FOXP2: variants seen among roughly 807,000 people sequenced by gnomAD.
FOXP2 encodes the protein forkhead box protein P2.
In FOXP2, 12 loss-of-function variants were observed where a neutral mutation model predicts 115.8. The ratio of observed to expected loss-of-function variants is 0.10; its 90% CI spans 0.07 to 0.17. The LOEUF (loss-of-function observed/expected upper bound fraction) is 0.17, where lower values mean the gene tolerates loss of function less well. Ranked by LOEUF, FOXP2 falls within the 10% of genes least tolerant of loss-of-function variation. The probability of loss-of-function intolerance (pLI) is 1.00; values close to 1 mark genes in which losing one functional copy is unlikely to be tolerated. For synonymous variants in FOXP2, 328 were observed against 297.7 expected, an observed-to-expected ratio of 1.10 and a Z score of -1.05; for missense variants, 629 against 843.5, an observed-to-expected ratio of 0.75 and a Z score of 3.15.
At chr7:114,134,361 T>G (rs1272656388) in intron 1 of FOXP2, among the ~76,000 whole-genome samples, 1 of 152,286 alleles carries the variant, frequency 6.6e-6, no homozygotes, top group East Asian at 1.9e-4. Flanking sequence ...TGAATTTTCA[T>G]GGATTTTTTG....
At chr7:114,501,982 A>G (rs976719713) in intron 2 of FOXP2, among the ~76,000 whole-genome samples, 9 of 152,062 alleles carry the variant, frequency 5.9e-5, no homozygotes, top group Non-Finnish European at 1.2e-4. Context: ...TTAAATCTCC[A>G]ACATATCTAA....
intron 1 of FOXP2, among the ~76,000 whole-genome samples, chr7:114,251,267 C>T (rs1428308886): frequency 2.0e-5 from 3 of 152,158 alleles, no homozygotes; most frequent in Non-Finnish European, 4.4e-5. Flanking sequence ...TTAGGATTGA[C>T]TTGGCAATGT....
At chr7:114,480,801 C>A (rs1421649863) in intron 2 of FOXP2, among the ~76,000 whole-genome samples, 1 of 150,208 alleles carries the variant, frequency 6.7e-6, no homozygotes, top group Non-Finnish European at 1.5e-5. Flanking sequence ...CCGTATATTA[C>A]CTTTTGATAT....
At chr7:114,477,836 A>G (rs1186542658) in intron 2 of FOXP2, among the ~76,000 whole-genome samples, 1 of 151,892 alleles carries the variant, frequency 6.6e-6, no homozygotes, top group African/African-American at 2.4e-5. Flanking sequence ...AAAATTATAA[A>G]TATGCTTAAA....
intron 1 of FOXP2, among the ~76,000 whole-genome samples, chr7:114,097,239 G>A (rs1004366077): frequency 1.3e-5 from 2 of 152,092 alleles, no homozygotes; most frequent in Non-Finnish European, 2.9e-5. Flanking sequence ...TTAATATACA[G>A]AATAGTTGTA....
chr7:114,591,211 G>A (rs2129307981), intron 3 of FOXP2, among the ~76,000 whole-genome samples: 1 of 152,192 alleles, frequency 6.6e-6, no homozygotes, highest in Middle Eastern at 3.4e-3. Flanking sequence ...CTTGACCATT[G>A]TAACACATGC....
chr7:114,620,222 G>GCGTT (rs1035570815), intron 3 of FOXP2, among the ~76,000 whole-genome samples: 7 of 151,868 alleles, frequency 4.6e-5, no homozygotes, highest in African/African-American at 1.2e-4. Flanking sequence ...ATAACCTAAC[G>GCGTT]GCAAGTGAAA....
chr7:114,182,129 A>G (rs1295850465), intron 1 of FOXP2, among the ~76,000 whole-genome samples: 1 of 152,072 alleles, frequency 6.6e-6, no homozygotes, highest in East Asian at 1.9e-4. Flanking sequence ...TGTCTCTTGT[A>G]ATATCTAGTT....
chr7:114,569,527 T>C (rs971637155), intron 3 of FOXP2, among the ~76,000 whole-genome samples: 2 of 151,944 alleles, frequency 1.3e-5, no homozygotes, highest in Admixed American at 1.3e-4. Context: ...CACCCCTGTG[T>C]ATCTAATTAT....
intron 1 of FOXP2, among the ~76,000 whole-genome samples, chr7:114,232,423 T>C (rs1794903519): frequency 6.6e-6 from 1 of 152,198 alleles, no homozygotes; most frequent in Admixed American, 6.5e-5. Flanking sequence ...ACATGTTCAT[T>C]GTAACATTAT....
chr7:114,469,227 A>G (rs1047466332), intron 2 of FOXP2, among the ~76,000 whole-genome samples: 8 of 151,968 alleles, frequency 5.3e-5, no homozygotes, highest in Non-Finnish European at 1.2e-4. Context: ...CATATATAGT[A>G]TATATATATA....
intron 1 of FOXP2, among the ~76,000 whole-genome samples, chr7:114,249,367 C>T (rs537327012): frequency 2.6e-5 from 4 of 152,184 alleles, no homozygotes; most frequent in East Asian, 1.9e-4. Flanking sequence ...CTCCTTCCCC[C>T]CCGTTCCCCC....
intron 1 of FOXP2, among the ~76,000 whole-genome samples, chr7:114,197,531 T>G (rs754081213): frequency 1.3e-5 from 2 of 152,088 alleles, no homozygotes; most frequent in Non-Finnish European, 2.9e-5. Flanking sequence ...CCTCCCACAG[T>G]CTCCACCTTC....
At chr7:114,476,275 T>C (rs1490295679) in intron 2 of FOXP2, among the ~76,000 whole-genome samples, 1 of 151,996 alleles carries the variant, frequency 6.6e-6, no homozygotes, top group African/African-American at 2.4e-5. Flanking sequence ...AAATCTTTGA[T>C]TGATTTTGAG....
At chr7:114,357,361 G>T (rs887384690) in intron 2 of FOXP2, among the ~76,000 whole-genome samples, 2 of 152,152 alleles carry the variant, frequency 1.3e-5, no homozygotes, top group Admixed American at 1.3e-4. Context: ...TAATGGAGAC[G>T]TATTGATTCA....
chr7:114,442,439 T>C (rs10261780), intron 2 of FOXP2, among the ~76,000 whole-genome samples: 68,851 of 151,544 alleles, frequency 0.45, 15,891 homozygotes, highest in Admixed American at 0.51. Flanking sequence ...AAACACTGAA[T>C]TGTACATTGA....
At chr7:114,446,735 ATTTC>A (rs926421752) in intron 2 of FOXP2, among the ~76,000 whole-genome samples, 2 of 148,498 alleles carry the variant, frequency 1.3e-5, no homozygotes, top group African/African-American at 4.9e-5. Context: ...GTTTATCTCT[ATTTC>A]TTTCTTTCTT....
intron 1 of FOXP2, among the ~76,000 whole-genome samples, chr7:114,206,658 A>T (rs1473324848): frequency 1.3e-5 from 2 of 152,106 alleles, no homozygotes; most frequent in Non-Finnish European, 2.9e-5. Context: ...CCTCTGTTGG[A>T]ATGAAAGCTC....
intron 1 of FOXP2, among the ~76,000 whole-genome samples, chr7:114,278,908 T>A (rs566787274): frequency 2.5e-4 from 38 of 152,160 alleles, no homozygotes; most frequent in Middle Eastern, 6.8e-3. Context: ...ATTTTTTTTT[T>A]AAAGCACTGC....
Sources: allele counts gnomAD v4.1 joint callset (sites outside exome capture counted in the v4.1 genomes callset), GRCh38; gene constraint gnomAD v4.1.1; transcripts MANE v1.5; gene names NCBI Gene and HGNC (gene_info 2026-07-23, HGNC 2026-07-21).